Variants in THRB observed in about 807,000 individuals in gnomAD.
THRB encodes the protein thyroid hormone receptor beta, also known as nuclear receptor subfamily 1 group A member 2.
In THRB, 12 loss-of-function variants were observed where a neutral mutation model predicts 47.8. That is an observed-to-expected ratio of 0.25 (90% CI 0.16 to 0.41). THRB has a LOEUF of 0.41. THRB is among the 10% of genes least tolerant of loss of function. THRB has a pLI of 1.00. For synonymous variants in THRB, 218 were observed against 212.2 expected (o/e 1.03, Z -0.24); for missense variants, 348 against 589.2 (o/e 0.59, Z 4.24).
chr3:24,410,974 C>T (rs1431150540), intron 1 of THRB, among the ~76,000 whole-genome samples: 1 of 151,808 alleles, frequency 6.6e-6, no homozygotes, highest in Non-Finnish European at 1.5e-5. Context: ...ATGACCTTTA[C>T]TTGTCCAGGC....
At chr3:24,202,285 C>T (rs151214196) in intron 4 of THRB, among the ~76,000 whole-genome samples, 9 of 152,248 alleles carry the variant, frequency 5.9e-5, no homozygotes, top group Non-Finnish European at 8.8e-5. Flanking sequence ...TGAAAACATA[C>T]GTTTTTGGTA....
intron 2 of THRB, among the ~76,000 whole-genome samples, chr3:24,306,071 T>TTGC (rs2057316033): frequency 6.6e-6 from 1 of 152,226 alleles, no homozygotes; most frequent in African/African-American, 2.4e-5. Context: ...GTTGTTGTTG[T>TTGC]TGCTTTACCT....
intron 1 of THRB, among the ~76,000 whole-genome samples, chr3:24,366,208 T>C (rs893019411): frequency 2.0e-5 from 3 of 152,204 alleles, no homozygotes; most frequent in Non-Finnish European, 2.9e-5. Context: ...ATGGTACTTA[T>C]AGCTATCAAC....
chr3:24,248,798 C>G (rs561796758), intron 3 of THRB, among the ~76,000 whole-genome samples: 1 of 152,272 alleles, frequency 6.6e-6, no homozygotes, highest in East Asian at 1.9e-4. Context: ...AGCACCAGCT[C>G]CACAGGACTA....
intron 4 of THRB, among the ~76,000 whole-genome samples, chr3:24,227,803 C>G (rs958710909): frequency 3.9e-5 from 6 of 152,064 alleles, no homozygotes; most frequent in Admixed American, 2.6e-4. Flanking sequence ...AGGCTGCATC[C>G]TCGACACACA....
At chr3:24,182,985 T>C (rs1231041350) in intron 5 of THRB, among the ~76,000 whole-genome samples, 1 of 152,196 alleles carries the variant, frequency 6.6e-6, no homozygotes. Flanking sequence ...TGGGGCCAGA[T>C]TGCCTGAGTT....
At chr3:24,408,813 C>T (rs1006668743) in intron 1 of THRB, among the ~76,000 whole-genome samples, 5 of 151,258 alleles carry the variant, frequency 3.3e-5, no homozygotes, top group Non-Finnish European at 7.4e-5. Flanking sequence ...CAAATCATTA[C>T]AGAAGAAAAA....
At chr3:24,167,064 G>A (rs2039736230) in intron 5 of THRB, among the ~76,000 whole-genome samples, 1 of 152,074 alleles carries the variant, frequency 6.6e-6, no homozygotes, top group Non-Finnish European at 1.5e-5. Context: ...CAGTCAAGTG[G>A]ACCACCATTG....
At chr3:24,492,496 C>A (rs576084325) in intron 1 of THRB, among the ~76,000 whole-genome samples, 4 of 152,046 alleles carry the variant, frequency 2.6e-5, no homozygotes, top group African/African-American at 9.7e-5. Flanking sequence ...AAGACCAGGG[C>A]GAAGAAACCA....
intron 5 of THRB, among the ~76,000 whole-genome samples, chr3:24,188,397 A>C (rs1303561103): frequency 6.6e-6 from 1 of 152,214 alleles, no homozygotes; most frequent in Non-Finnish European, 1.5e-5. Flanking sequence ...TTCTAGCTCA[A>C]ATAGATCAGT....
chr3:24,474,104 T>C (rs1013969355), intron 1 of THRB, among the ~76,000 whole-genome samples: 1 of 152,162 alleles, frequency 6.6e-6, no homozygotes, highest in African/African-American at 2.4e-5. Flanking sequence ...GAACTTAAAG[T>C]ATAATTTAAA....
chr3:24,406,224 T>C (rs1475103359), intron 1 of THRB, among the ~76,000 whole-genome samples: 1 of 151,742 alleles, frequency 6.6e-6, no homozygotes, highest in East Asian at 1.9e-4. Context: ...ATATTCCTTC[T>C]TATTTCTCAT....
intron 1 of THRB, among the ~76,000 whole-genome samples, chr3:24,384,786 T>A (rs1363102729): frequency 6.6e-6 from 1 of 152,158 alleles, no homozygotes; most frequent in Non-Finnish European, 1.5e-5. Flanking sequence ...AACATTGTAC[T>A]TAAAATCCAT....
At chr3:24,251,785 G>GA (rs1355169692) in intron 3 of THRB, among the ~76,000 whole-genome samples, 1 of 151,854 alleles carries the variant, frequency 6.6e-6, no homozygotes, top group Non-Finnish European at 1.5e-5. Context: ...AAAGCACAGG[G>GA]AAAAAATAAA....
chr3:24,407,208 T>C lies in THRB; in HGVS notation c.-260-69837A>G, dbSNP rs1361494140. ...ATAGGCATTTCTCCAGGCCCCACCATGCCCTGGAGAAATGTCCCTCAGGAA... is the reference window on the plus strand; with the variant it reads ...ATAGGCATTTCTCCAGGCCCCACCACGCCCTGGAGAAATGTCCCTCAGGAA... On this transcript the variant is annotated intron_variant, in intron 1 of 10. Coordinates refer to ENST00000646209, the MANE Select transcript of THRB (RefSeq NM_001354712.2). 7.2e-5 allele frequency among the ~76,000 whole-genome samples: 11 copies of C among 151,904 alleles called. No individual in the cohort carries two copies. In the East Asian group the frequency reaches 2.2e-3, roughly 30 times the overall value.
chr3:24,252,134 G>A (rs377585233), intron 3 of THRB, among the ~76,000 whole-genome samples: 1 of 151,956 alleles, frequency 6.6e-6, no homozygotes, highest in South Asian at 2.1e-4. Flanking sequence ...AAACCCACAG[G>A]GAAGTAAGAC....
At chr3:24,469,767 G>C (rs1458599169) in intron 1 of THRB, among the ~76,000 whole-genome samples, 1 of 152,142 alleles carries the variant, frequency 6.6e-6, no homozygotes, top group African/African-American at 2.4e-5. Context: ...TGAGCGCGTG[G>C]TAAAGAGTGA....
intron 1 of THRB, among the ~76,000 whole-genome samples, chr3:24,442,224 G>A (rs966698442): frequency 6.6e-6 from 1 of 152,142 alleles, no homozygotes; most frequent in Non-Finnish European, 1.5e-5. Context: ...ATTTTTAAAT[G>A]TAATAATAAT....
At chr3:24,486,119 A>G (rs1351295447) in intron 1 of THRB, among the ~76,000 whole-genome samples, 5 of 152,196 alleles carry the variant, frequency 3.3e-5, no homozygotes, top group Non-Finnish European at 7.4e-5. Flanking sequence ...TGATGGTCAC[A>G]ACTGGAGGGT....
Sources: allele counts gnomAD v4.1 joint callset (sites outside exome capture counted in the v4.1 genomes callset), GRCh38; gene constraint gnomAD v4.1.1; transcripts MANE v1.5; gene names NCBI Gene and HGNC (gene_info 2026-07-23, HGNC 2026-07-21).